SGCD: variants seen among roughly 807,000 people sequenced by gnomAD.
The protein encoded by SGCD is sarcoglycan delta, also known as delta-sarcoglycan.
SGCD carries 18 observed loss-of-function variants against 36.6 expected under a neutral mutation model. The observed-to-expected ratio is 0.49, with a 90% confidence interval of 0.34 to 0.73. The LOEUF is 0.73. Among genes scored for constraint, SGCD ranks in the 30% least tolerant of loss-of-function variants. The pLI, the probability that SGCD is intolerant of heterozygous loss-of-function variation, is 0.01. For missense variants in SGCD, 387 were observed against 346.7 expected (o/e 1.12, Z -0.92); for synonymous variants, 133 against 130.6 (o/e 1.02, Z -0.12).
At chr5:155,758,974 T>C in the SGCD span, among the ~76,000 whole-genome samples, 6 of 152,148 alleles carry the variant, frequency 3.9e-5, no homozygotes, top group African/African-American at 1.2e-4. Context: ...TATTCTGTGA[T>C]TGAAAAGCTT....
intron 1 of SGCD, among the ~76,000 whole-genome samples, chr5:156,073,872 A>C (rs970471311): frequency 6.6e-6 from 1 of 152,230 alleles, no homozygotes; most frequent in African/African-American, 2.4e-5. Flanking sequence ...CAAGGGCTCT[A>C]TGAAGCAAGG....
intron 6 of SGCD, among the ~76,000 whole-genome samples, chr5:156,625,309 C>T (rs11948320): frequency 0.036 from 5,465 of 151,980 alleles, 325 homozygotes; most frequent in African/African-American, 0.12. Flanking sequence ...ACAAAATGTC[C>T]AGGATTACCA....
chr5:155,983,279 C>A (rs1758265413), intron 1 of SGCD, among the ~76,000 whole-genome samples: 1 of 152,144 alleles, frequency 6.6e-6, no homozygotes, highest in Non-Finnish European at 1.5e-5. Context: ...TCTTTCCTAC[C>A]AGCTAGAAGA....
At chr5:155,774,275 CT>C in the SGCD span, among the ~76,000 whole-genome samples, 12 of 152,058 alleles carry the variant, frequency 7.9e-5, no homozygotes, top group African/African-American at 2.9e-4. Context: ...CAATTTCTAC[CT>C]GTGTATCAGT....
At chr5:155,891,577 T>TTTTTTTTTTTTTTTTTTTTTTTTTTA (rs1756132447) in intron 1 of SGCD, among the ~76,000 whole-genome samples, 1 of 147,820 alleles carries the variant, frequency 6.8e-6, no homozygotes, top group Admixed American at 6.9e-5. Flanking sequence ...TTTTTTTTTT[T>TTTTTTTTTTTTTTTTTTTTTTTTTTA]GGTGACATTA....
At position 156,589,250 on chromosome 5, in the gene SGCD, A is replaced by G. The variant is rs1760622847; in HGVS notation, c.314A>G (p.Lys105Arg). The G allele has an allele frequency of 6.4e-7, 1 of 1,570,252 alleles. No individual in the cohort carries two copies. The highest frequency in any genetic ancestry group is 1.3e-5 in the African/African-American group (1 of 74,354). The change falls in exon 5 of 9, where the codon AAG becomes AGG. Residue 105 changes from lysine to arginine, a missense_variant. Lys to Arg is a conservative substitution (Grantham distance 26, BLOSUM62 2). Transcript: ENST00000337851. ...TTGCAGGGTAATGCCCTGTACTTCAAGTCTGCCAGAAATGTTACAGTGAAC... is the reference window on the plus strand; with the variant it reads ...TTGCAGGGTAATGCCCTGTACTTCAGGTCTGCCAGAAATGTTACAGTGAAC... ...QSRPGNALYF[K>R]SARNVTVNIL...
At chr5:155,871,214 C>T (rs1322779263) in intron 1 of SGCD, among the ~76,000 whole-genome samples, 4 of 152,050 alleles carry the variant, frequency 2.6e-5, no homozygotes. Flanking sequence ...CCTCAGTTTA[C>T]AGAATAATAA....
intron 3 of SGCD, among the ~76,000 whole-genome samples, chr5:156,413,392 G>A (rs750384106): frequency 1.3e-5 from 2 of 152,168 alleles, no homozygotes; most frequent in Non-Finnish European, 2.9e-5. Context: ...AGAAGACCAC[G>A]CCTAACATAC....
chr5:156,423,443 T>TTATTATAATATATTG, intron 3 of SGCD, among the ~76,000 whole-genome samples: 1 of 91,592 alleles, frequency 1.1e-5, no homozygotes. Flanking sequence ...ATAATATATT[T>TTATTATAATATATTG]ATTTTATTAT....
intron 3 of SGCD, among the ~76,000 whole-genome samples, chr5:156,268,425 A>T (rs1766058603): frequency 6.6e-6 from 1 of 152,224 alleles, no homozygotes; most frequent in Admixed American, 6.5e-5. Flanking sequence ...TTACTCTCCC[A>T]CCAACAGTGT....
intron 1 of SGCD, among the ~76,000 whole-genome samples, chr5:155,890,721 CA>C (rs1166854726): frequency 6.6e-6 from 1 of 151,994 alleles, no homozygotes; most frequent in Non-Finnish European, 1.5e-5. Context: ...GGAAAGGACA[CA>C]GGGCAGGTGT....
At chr5:156,734,086 A>G (rs1179819240) in intron 7 of SGCD, among the ~76,000 whole-genome samples, 1 of 152,140 alleles carries the variant, frequency 6.6e-6, no homozygotes, top group Non-Finnish European at 1.5e-5. Context: ...GAGCTCTTGT[A>G]AGGCAGATTG....
intron 4 of SGCD, among the ~76,000 whole-genome samples, chr5:156,567,994 G>A (rs1759565764): frequency 6.6e-6 from 1 of 152,040 alleles, no homozygotes; most frequent in African/African-American, 2.4e-5. Context: ...TGTAAGTTAG[G>A]TTCTACTTTT....
At chr5:155,837,517 C>T in the SGCD span, among the ~76,000 whole-genome samples, 14 of 152,166 alleles carry the variant, frequency 9.2e-5, no homozygotes, top group Admixed American at 7.9e-4. Context: ...CATACTATTG[C>T]TTGCCAGGGG....
intron 6 of SGCD, among the ~76,000 whole-genome samples, chr5:156,601,453 A>C (rs1031002468): frequency 6.6e-6 from 1 of 152,074 alleles, no homozygotes; most frequent in Non-Finnish European, 1.5e-5. Flanking sequence ...TAGGTGAGTG[A>C]ATTTATTTCT....
At position 156,547,723 on chromosome 5, in the gene SGCD, C is replaced by T. The variant is rs142395236; in HGVS notation, c.294+39021C>T. Among the ~76,000 whole-genome samples the T allele has an allele frequency of 1.8e-3, 279 of 151,778 alleles. 2 individuals carry two copies. The highest frequency in any genetic ancestry group is 6.2e-3 in the African/African-American group (256 of 41,462). ...TCCCAAAGTGCTGGGATTACAGGCA[C>T]GAGCCGATAATATCATTTTTATATA... On this transcript the variant is annotated intron_variant, in intron 4 of 8. Transcript: ENST00000337851.
intron 5 of SGCD, among the ~76,000 whole-genome samples, chr5:156,590,188 C>T (rs1044287544): frequency 5.3e-5 from 8 of 152,238 alleles, no homozygotes; most frequent in East Asian, 3.9e-4. Flanking sequence ...CCAAATGCCT[C>T]GAAACATTAC....
rs1270934041 is a variant in SGCD at position 156,759,664 on chromosome 5, TCCCATC to T, written c.*279_*284del. The T allele has an allele frequency of 6.5e-6, 1 of 153,228 alleles. No homozygotes were observed. Among genetic ancestry groups the T allele is most frequent in the Non-Finnish European group, 1.5e-5 (1 of 68,940 alleles). 9.5% of individuals were successfully genotyped at this position (153,228 alleles called of 1,614,324 possible). On this transcript the variant is annotated 3_prime_UTR_variant, in exon 9 of 9. Coordinates refer to ENST00000337851, the MANE Select transcript of SGCD (RefSeq NM_000337.6). ...CTGCGATATCCACTGTCATTTTCCA[TCCCATC>T]CCCACCACCTGAGTGACAGAAATCT... is the stretch of plus-strand genomic sequence containing the variant.
At chr5:156,672,251 T>A (rs1164692571) in intron 7 of SGCD, among the ~76,000 whole-genome samples, 1 of 152,158 alleles carries the variant, frequency 6.6e-6, no homozygotes, top group African/African-American at 2.4e-5. Context: ...AATATGTAAG[T>A]TTTCATATAA....
Sources: allele counts gnomAD v4.1 joint callset (sites outside exome capture counted in the v4.1 genomes callset), GRCh38; gene constraint gnomAD v4.1.1; transcripts MANE v1.5; gene names NCBI Gene and HGNC (gene_info 2026-07-23, HGNC 2026-07-21).